IL16: variants seen among roughly 807,000 people sequenced by gnomAD.
The protein encoded by IL16 is pro-interleukin-16.
Under a neutral mutation model 110.1 loss-of-function variants are expected in IL16, and 67 were observed. That is an observed-to-expected ratio of 0.61 (90% CI 0.50 to 0.75). IL16 has a LOEUF of 0.75. IL16 is among the 30% of genes least tolerant of loss of function. IL16 has a pLI of 0.00. For synonymous variants in IL16, 689 were observed against 662.9 expected, an observed-to-expected ratio of 1.04 and a Z score of -0.61; for missense variants, 1,545 against 1,655.0, an observed-to-expected ratio of 0.93 and a Z score of 1.15.
intron 2 of IL16, among the ~76,000 whole-genome samples, chr15:81,245,340 C>A (rs1897500233): frequency 6.6e-6 from 1 of 152,102 alleles, no homozygotes; most frequent in South Asian, 2.1e-4. Context: ...TTTGTTACTG[C>A]CAGGTAAAGG....
rs955766171 is a variant in IL16 at position 81,309,224 on chromosome 15, C to G, written c.*426C>G. The G allele has an allele frequency of 3.1e-5, 5 of 161,944 alleles. No homozygotes were observed. The highest frequency in any genetic ancestry group is 1.3e-4 in the Admixed American group (2 of 15,756). 10.0% of individuals were successfully genotyped at this position (161,944 alleles called of 1,614,324 possible). On this transcript the variant is annotated 3_prime_UTR_variant, in exon 19 of 19. Transcript: ENST00000683961. Reference sequence around the variant, plus strand: ...AGAGATTGGAATGGGCAGCTCATCTCTGTCCCACTTGGCATCAGCTGGCGT... The same window carrying G: ...AGAGATTGGAATGGGCAGCTCATCTGTGTCCCACTTGGCATCAGCTGGCGT...
At chr15:81,297,599 T>C (rs1160404587) in intron 13 of IL16, among the ~76,000 whole-genome samples, 6 of 152,170 alleles carry the variant, frequency 3.9e-5, no homozygotes, top group Admixed American at 1.3e-4. Context: ...AGAGAGAGCA[T>C]AGGACTTGAA....
At chr15:81,274,268 G>C (rs1898793436) in intron 6 of IL16, among the ~76,000 whole-genome samples, 1 of 152,172 alleles carries the variant, frequency 6.6e-6, no homozygotes, top group South Asian at 2.1e-4. Flanking sequence ...AACAAAGAAA[G>C]GTTATTACAT....
At chr15:81,301,262 C>T (rs958457281) in intron 14 of IL16, 82 bp from the exon 15 acceptor site, 2 of 1,301,666 alleles carry the variant, frequency 1.5e-6, no homozygotes, top group Non-Finnish European at 2.1e-6. Flanking sequence ...GGCACCACAC[C>T]TGGGACATAG....
At chr15:81,189,076 C>T (rs1319295927) in intron 1 of IL16, among the ~76,000 whole-genome samples, 2 of 151,944 alleles carry the variant, frequency 1.3e-5, no homozygotes, top group African/African-American at 4.8e-5. Context: ...GCCTCAGCCT[C>T]CTAAGTAACT....
At chr15:81,213,713 T>C (rs575931788) in intron 1 of IL16, among the ~76,000 whole-genome samples, 1 of 152,324 alleles carries the variant, frequency 6.6e-6, no homozygotes, top group African/African-American at 2.4e-5. Flanking sequence ...TGTTCTTTTT[T>C]GTTTTCCATT....
intron 1 of IL16, among the ~76,000 whole-genome samples, chr15:81,200,507 C>T (rs1895770592): frequency 6.6e-6 from 1 of 151,846 alleles, no homozygotes; most frequent in African/African-American, 2.4e-5. Context: ...GTAGCTGGGA[C>T]TACAGGCACA....
intron 4 of IL16, among the ~76,000 whole-genome samples, chr15:81,266,508 T>C (rs1298898407): frequency 6.6e-6 from 1 of 152,160 alleles, no homozygotes; most frequent in Admixed American, 6.5e-5. Flanking sequence ...TAAGCAGATA[T>C]AAAGCACAGT....
At chr15:81,214,169 A>G (rs1896345387) in intron 1 of IL16, among the ~76,000 whole-genome samples, 1 of 152,186 alleles carries the variant, frequency 6.6e-6, no homozygotes, top group African/African-American at 2.4e-5. Context: ...GAAGGATTTT[A>G]GCTTTCTTTC....
Position 81,279,921 on chromosome 15 carries a change from G to A in IL16, c.1081+147G>A, listed in dbSNP as rs565947582. The A allele has an allele frequency of 8.8e-6, 6 of 683,042 alleles. No homozygotes were observed. The South Asian group carries it at 1.1e-4, about 12-fold the overall frequency. The allele number at this position is 683,042 out of a possible 1,614,324, so 42.3% of individuals were successfully genotyped here. On this transcript the variant is annotated intron_variant, in intron 8 of 18. Coordinates refer to ENST00000683961, the MANE Select transcript of IL16 (RefSeq NM_172217.5). ...CAGCTACTGCTTGGAGCCAGGTCGAGTCTTCTGTTTATAGAAGCTCAAGAC... is the reference window on the plus strand; with the variant it reads ...CAGCTACTGCTTGGAGCCAGGTCGAATCTTCTGTTTATAGAAGCTCAAGAC...
chr15:81,224,673 C>T (rs866028596), intron 1 of IL16, among the ~76,000 whole-genome samples: 4 of 152,214 alleles, frequency 2.6e-5, no homozygotes, highest in Non-Finnish European at 4.4e-5. Flanking sequence ...TCAACTCTGG[C>T]AGGTCAGTGT....
At chr15:81,255,770 G>A (rs745370545) in intron 2 of IL16, among the ~76,000 whole-genome samples, 24 of 152,010 alleles carry the variant, frequency 1.6e-4, no homozygotes, top group Non-Finnish European at 2.8e-4. Context: ...GCTAATCTGG[G>A]TGGGCGGGGC....
intron 1 of IL16, among the ~76,000 whole-genome samples, chr15:81,206,865 T>TG (rs1896036176): frequency 2.1e-5 from 3 of 141,576 alleles, no homozygotes; most frequent in South Asian, 2.2e-4. Context: ...GGGCTTTAAA[T>TG]AATGATGATG....
At chr15:81,247,076 C>CTTTTTTTTTTTTTTTTTTTG (rs1897582592) in intron 2 of IL16, among the ~76,000 whole-genome samples, 1 of 92,638 alleles carries the variant, frequency 1.1e-5, no homozygotes, top group Admixed American at 1.1e-4. Context: ...TTTTCTTTTC[C>CTTTTTTTTTTTTTTTTTTTG]TTTTTTTTTT....
At chr15:81,186,366 G>A (rs1200238153) in intron 1 of IL16, among the ~76,000 whole-genome samples, 1 of 152,214 alleles carries the variant, frequency 6.6e-6, no homozygotes, top group Non-Finnish European at 1.5e-5. Flanking sequence ...GTGAGTGGCA[G>A]GACAGATTTG....
intron 11 of IL16, 21 bp downstream of exon 11, chr15:81,290,561 T>A: frequency 6.6e-7 from 1 of 1,505,772 alleles, no homozygotes; most frequent in Non-Finnish European, 9.2e-7. Flanking sequence ...TGGTGAACTT[T>A]GATGTAAAAT....
intron 12 of IL16, among the ~76,000 whole-genome samples, chr15:81,294,094 C>T (rs1055660556): frequency 2.6e-5 from 4 of 152,178 alleles, no homozygotes; most frequent in African/African-American, 9.7e-5. Context: ...CTGGAAATCC[C>T]CTAAAACAAT....
chr15:81,232,067 C>CTTTTTTTTTTT (rs1188437602), intron 2 of IL16, among the ~76,000 whole-genome samples: 1 of 54,326 alleles, frequency 1.8e-5, no homozygotes, highest in African/African-American at 6.8e-5. Flanking sequence ...TTTTTTTTTT[C>CTTTTTTTTTTT]TTTTTTTTTT....
Position 81,300,083 on chromosome 15 carries a change from G to C in IL16, c.2757G>C (p.Val919=), listed in dbSNP as rs1444906030. ...CCTCCGAGGCCAGAGACCCAGGTGTGTCTGAGTCCCCTCCCCCAGGGCGGC... is the reference window on the plus strand; with the variant it reads ...CCTCCGAGGCCAGAGACCCAGGTGTCTCTGAGTCCCCTCCCCCAGGGCGGC... The part of the protein sequence containing the change: ...PAASEARDPG[V]SESPPPGRQP... Residue 919 remains valine (V), a synonymous_variant, in exon 14 of 19, where the codon GTG becomes GTC. Transcript: ENST00000683961. 1 of 1,577,870 alleles carries C rather than the reference G, an allele frequency of 6.3e-7. No homozygotes were observed. The highest frequency in any genetic ancestry group is 1.8e-5 in the Admixed American group (1 of 55,550).
Sources: gnomAD v4.1 joint callset for allele counts (sites outside exome capture counted in the v4.1 genomes callset) on GRCh38, gnomAD v4.1.1 for gene constraint, MANE v1.5 for transcripts, NCBI Gene and HGNC (gene_info 2026-07-23, HGNC 2026-07-21) for gene names.